Variants in M1AP observed in about 807,000 individuals in gnomAD.
The protein encoded by M1AP is meiosis 1 associated protein, also known as meiosis 1 arrest protein.
Under a neutral mutation model 51.2 loss-of-function variants are expected in M1AP, and 39 were observed. That is an observed-to-expected ratio of 0.76 (90% CI 0.59 to 1.00). The LOEUF (loss-of-function observed/expected upper bound fraction) is 1.00, where lower values mean the gene tolerates loss of function less well. Ranked by LOEUF, M1AP falls within the 50% of genes least tolerant of loss-of-function variation. The pLI is 0.00. For missense variants in M1AP, 545 were observed against 641.2 expected, an observed-to-expected ratio of 0.85 and a Z score of 1.62; for synonymous variants, 251 against 249.2, an observed-to-expected ratio of 1.01 and a Z score of -0.07.
intron 8 of M1AP, 142 bp downstream of exon 8, chr2:74,562,075 A>T: frequency 7.0e-7 from 1 of 1,418,502 alleles, no homozygotes; most frequent in Non-Finnish European, 9.2e-7. Flanking sequence ...ATAATTGCCT[A>T]TCCTTGCTTT....
chr2:74,635,433 A>G (rs953419155), intron 2 of M1AP, among the ~76,000 whole-genome samples: 7 of 151,774 alleles, frequency 4.6e-5, no homozygotes, highest in Non-Finnish European at 1.0e-4. Context: ...CAAAGAATCA[A>G]CTTCTTTTCA....
chr2:74,587,400 G>A (rs945626395), intron 4 of M1AP, among the ~76,000 whole-genome samples: 3 of 152,126 alleles, frequency 2.0e-5, no homozygotes, highest in South Asian at 2.1e-4. Context: ...GGGCTTCACC[G>A]TGTTAGCCAG....
Position 74,562,397 on chromosome 2 carries a change from C to G in M1AP, c.1101G>C (p.Lys367Asn), listed in dbSNP as rs1678085879. 2 of 1,614,092 alleles carry G rather than the reference C, an allele frequency of 1.2e-6. No individual in the cohort carries two copies. Among genetic ancestry groups the G allele is most frequent in the Non-Finnish European group, 1.7e-6 (2 of 1,180,040 alleles). The change falls in exon 8 of 11, where the codon AAG (lysine) becomes AAC (asparagine). Residue 367 changes from lysine (K) to asparagine (N), a missense_variant. Coordinates refer to ENST00000421985, the MANE Select transcript of M1AP (RefSeq NM_001321739.2). ...TGTGTCCTGGGCCCGGTGGTTCCCC[C>G]TTGGCTAACAGCAGCCATTCCCTTT... is the stretch of plus-strand genomic sequence containing the variant. ...LLKREWLLLA[K>N]GEPPGPGHSQ... is the part of the protein sequence containing the mutation.
intron 3 of M1AP, among the ~76,000 whole-genome samples, chr2:74,608,410 T>G (rs1158013251): frequency 6.6e-6 from 1 of 152,224 alleles, no homozygotes; most frequent in African/African-American, 2.4e-5. Context: ...TTCTGTAGCT[T>G]GATAGCTCAT....
chr2:74,599,947 C>T (rs1489551634), intron 4 of M1AP, among the ~76,000 whole-genome samples: 1 of 151,912 alleles, frequency 6.6e-6, no homozygotes, highest in African/African-American at 2.4e-5. Flanking sequence ...ACTTCCTCCT[C>T]AGCGTGCCTA....
At chr2:74,568,829 T>C (rs1457777399) in intron 7 of M1AP, among the ~76,000 whole-genome samples, 1 of 152,206 alleles carries the variant, frequency 6.6e-6, no homozygotes, top group East Asian at 1.9e-4. Context: ...CTGGATAGAC[T>C]GAGCATTAGC....
At chr2:74,587,910 G>T (rs1225265925) in intron 4 of M1AP, among the ~76,000 whole-genome samples, 1 of 152,140 alleles carries the variant, frequency 6.6e-6, no homozygotes, top group African/African-American at 2.4e-5. Flanking sequence ...TGAAGATTAG[G>T]TAATACCTGA....
chr2:74,644,555 T>A (rs1024217123), intron 1 of M1AP, among the ~76,000 whole-genome samples: 3 of 149,182 alleles, frequency 2.0e-5, no homozygotes, highest in Non-Finnish European at 4.5e-5. Flanking sequence ...AAAAAAAAAA[T>A]ACATAGATAG....
intron 2 of M1AP, among the ~76,000 whole-genome samples, chr2:74,631,636 G>GT (rs1409853473): frequency 6.6e-6 from 1 of 151,990 alleles, no homozygotes; most frequent in Non-Finnish European, 1.5e-5. Flanking sequence ...ATTTAAATAA[G>GT]TTTTTTATTA....
chr2:74,618,786 C>T (rs1317604356), intron 2 of M1AP: 1 of 261,260 alleles, frequency 3.8e-6, no homozygotes, highest in Non-Finnish European at 7.9e-6. Flanking sequence ...TTCAAAATGC[C>T]TCTGAAAGGC....
In M1AP at chr2:74,611,894, T is replaced by TG. The variant is rs1457910780; in HGVS notation, c.426+3069_426+3070insC. ...ACAACAAAAAAGTGTTTTTTTTTTT[T>TG]TTTTTTTTTTTTTTTTTGAGACAGT... On this transcript the variant is annotated intron_variant, in intron 3 of 10. Transcript: ENST00000421985. 4.1e-4 allele frequency among the ~76,000 whole-genome samples: 33 copies of TG among 79,704 alleles called. 1 individual carries two copies. Among genetic ancestry groups the TG allele is most frequent in the African/African-American group, 1.5e-3 (33 of 21,494 alleles). 52.3% of individuals were successfully genotyped at this position (79,704 alleles called of 152,430 possible). A position where few individuals can be genotyped will look rare whatever the true frequency, so the allele number is the denominator to read the frequency against.
At chr2:74,632,573 G>T (rs1682765035) in intron 2 of M1AP, among the ~76,000 whole-genome samples, 1 of 152,082 alleles carries the variant, frequency 6.6e-6, no homozygotes, top group Admixed American at 6.5e-5. Context: ...TTTTGTTTGG[G>T]ACTCCTTCAA....
At chr2:74,589,465 T>C (rs1217164859) in intron 4 of M1AP, among the ~76,000 whole-genome samples, 1 of 152,190 alleles carries the variant, frequency 6.6e-6, no homozygotes, top group Non-Finnish European at 1.5e-5. Context: ...CAAGTTCCTT[T>C]TTCTTTCTCT....
At chr2:74,627,856 C>T (rs1682489339) in intron 2 of M1AP, among the ~76,000 whole-genome samples, 1 of 152,136 alleles carries the variant, frequency 6.6e-6, no homozygotes, top group African/African-American at 2.4e-5. Flanking sequence ...CTCATTTATA[C>T]ATAAGTCAAA....
intron 1 of M1AP, among the ~76,000 whole-genome samples, chr2:74,644,669 C>T (rs1158679539): frequency 2.0e-5 from 3 of 152,084 alleles, no homozygotes; most frequent in Non-Finnish European, 4.4e-5. Context: ...AAATTGAGTT[C>T]CAATTACGTG....
chr2:74,577,146 G>A (rs1433250938), intron 5 of M1AP, among the ~76,000 whole-genome samples: 2 of 152,174 alleles, frequency 1.3e-5, no homozygotes, highest in African/African-American at 4.8e-5. Flanking sequence ...CTGTGGGCTC[G>A]TTCAGGGACA....
In M1AP at chr2:74,576,868, T is replaced by C. The variant is rs953089475; in HGVS notation, c.770-250A>G. 12 of 1,244,512 alleles carry C rather than the reference T, an allele frequency of 9.6e-6. No homozygotes were observed. In the African/African-American group the frequency reaches 1.8e-4, roughly 19 times the overall value. The allele number at this position is 1,244,512 out of a possible 1,614,324, so 77.1% of individuals were successfully genotyped here. A position where few individuals can be genotyped will look rare whatever the true frequency, so the allele number is the denominator to read the frequency against. ...ATAAAAGTTAACTTATCTTCAAGAGTCTGACATGATCTTTACTTGTTTTAC... is the reference window on the plus strand; with the variant it reads ...ATAAAAGTTAACTTATCTTCAAGAGCCTGACATGATCTTTACTTGTTTTAC... On this transcript the variant is annotated intron_variant, in intron 5 of 10. Coordinates refer to ENST00000421985, the MANE Select transcript of M1AP (RefSeq NM_001321739.2).
intron 4 of M1AP, among the ~76,000 whole-genome samples, chr2:74,589,069 C>T (rs752598818): frequency 1.5e-4 from 23 of 152,240 alleles, no homozygotes; most frequent in Non-Finnish European, 2.2e-4. Context: ...TGTGTGCACG[C>T]GCGCGCGTGC....
chr2:74,562,096 T>G, intron 8 of M1AP, 121 bp downstream of exon 8: 1 of 1,458,736 alleles, frequency 6.9e-7, no homozygotes, highest in Non-Finnish European at 9.0e-7. Context: ...CTCTTCTTAC[T>G]CTCTTACCAC....
Sources: gnomAD v4.1 joint callset for allele counts (sites outside exome capture counted in the v4.1 genomes callset) on GRCh38, gnomAD v4.1.1 for gene constraint, MANE v1.5 for transcripts, NCBI Gene and HGNC (gene_info 2026-07-23, HGNC 2026-07-21) for gene names.